The following MACF1 variants were observed in gnomAD, a reference collection of about 807,000 sequenced individuals.
MACF1 encodes microtubule actin crosslinking factor 1.
In MACF1, 193 loss-of-function variants were observed where a neutral mutation model predicts 854.8. That is an observed-to-expected ratio of 0.23 (90% CI 0.20 to 0.25). MACF1 has a LOEUF of 0.25. Ranked by LOEUF, MACF1 falls within the 10% of genes least tolerant of loss-of-function variation. MACF1 has a pLI of 1.00. For synonymous variants in MACF1, 3,185 were observed against 3,226.7 expected (o/e 0.99, Z 0.44); for missense variants, 7,722 against 8,929.1 (o/e 0.86, Z 5.45).
intron 2 of MACF1, among the ~76,000 whole-genome samples, chr1:39,088,581 T>A (rs577990634): frequency 1.3e-5 from 2 of 152,346 alleles, no homozygotes; most frequent in South Asian, 2.1e-4. Context: ...CCTCTTCCCC[T>A]CTGGCTCTCT....
At chr1:39,144,894 C>T (rs1643428937) in intron 2 of MACF1, among the ~76,000 whole-genome samples, 1 of 152,142 alleles carries the variant, frequency 6.6e-6, no homozygotes, top group African/African-American at 2.4e-5. Context: ...TCACAACCTC[C>T]TTTTTTCCAC....
At chr1:39,427,413 T>C in intron 61 of MACF1, 42 bp from the exon 62 acceptor site, 1 of 1,588,020 alleles carries the variant, frequency 6.3e-7, no homozygotes, top group South Asian at 1.1e-5. Context: ...AGTTTTAATG[T>C]GACTTTTCTT....
At chr1:39,437,522 G>T in intron 70 of MACF1, 1 of 407,448 alleles carries the variant, frequency 2.5e-6, no homozygotes. Flanking sequence ...ATGTTGGCCA[G>T]GCTGGTCTTG....
At position 39,349,364 on chromosome 1, in the gene MACF1, A is replaced by G. The variant is rs1489650671; in HGVS notation, c.10816-114A>G. 6.4e-6 allele frequency: 7 copies of G among 1,096,982 alleles called. No individual in the cohort carries two copies. In the East Asian group the frequency reaches 1.2e-4, roughly 19 times the overall value. The allele number at this position is 1,096,982 out of a possible 1,614,324, so 68.0% of individuals were successfully genotyped here. A position where few individuals can be genotyped will look rare whatever the true frequency, so the allele number is the denominator to read the frequency against. ...ATGTCTTTTCCTATTCTAGTCTCCC[A>G]CCAACTTTTCCATCCTTGAGATATA... On this transcript the variant is annotated intron_variant, in intron 41 of 100. Transcript: ENST00000564288.
At chr1:39,257,804 G>A in intron 5 of MACF1, 132 bp from the exon 6 acceptor site, 1 of 657,960 alleles carries the variant, frequency 1.5e-6, no homozygotes, top group Non-Finnish European at 2.6e-6. Context: ...ATCTATACAT[G>A]TGTTAAAACT....
At chr1:39,204,684 A>T, upstream of MACF1, 1 of 214,574 alleles carries the variant, frequency 4.7e-6, no homozygotes, top group South Asian at 9.1e-5. Context: ...TGAGCAGAGG[A>T]TGCCAAAGAT....
intron 1 of MACF1, among the ~76,000 whole-genome samples, chr1:39,205,645 G>A (rs1240098408): frequency 2.0e-5 from 3 of 152,104 alleles, no homozygotes; most frequent in African/African-American, 7.2e-5. Flanking sequence ...TCCTTGCCGA[G>A]GGGCATCCTG....
rs1646412588 is a variant in MACF1, at chr1:39,316,384, C to G, written c.3450-7C>G. ...GTTAATGAAGGAATGTGTATTTGTC[C>G]CCACAGGTTAAAGACAGTTGATGTT... is the stretch of plus-strand genomic sequence containing the variant. On this transcript the variant is annotated splice_polypyrimidine_tract_variant and splice_region_variant and intron_variant, in intron 27 of 100. Transcript: ENST00000564288. The G allele has an allele frequency of 6.3e-7, 1 of 1,598,936 alleles. No homozygotes were observed. The highest frequency in any genetic ancestry group is 8.5e-7 in the Non-Finnish European group (1 of 1,170,810).
In MACF1 at chr1:39,485,816, C is replaced by T. The variant is rs559832054; in HGVS notation, c.*22C>T. Reference sequence around the variant, plus strand: ...ATAACACTGTCTAAGCACCCCCAAGCCACTATCCACTTTGAATCCTGCTCC... The same window carrying T: ...ATAACACTGTCTAAGCACCCCCAAGTCACTATCCACTTTGAATCCTGCTCC... On this transcript the variant is annotated 3_prime_UTR_variant, in exon 101 of 101. Coordinates refer to ENST00000564288, the MANE Select transcript of MACF1 (RefSeq NM_001394062.1). 6.4e-7 allele frequency: 1 copy of T among 1,550,486 alleles called. No homozygotes were observed. Among genetic ancestry groups the T allele is most frequent in the East Asian group, 2.3e-5 (1 of 43,966 alleles).
chr1:39,467,020 T>C (rs1307053564), intron 95 of MACF1, among the ~76,000 whole-genome samples: 2 of 152,208 alleles, frequency 1.3e-5, no homozygotes, highest in Non-Finnish European at 2.9e-5. Flanking sequence ...ATATCCTTTC[T>C]TGCATTTTCA....
chr1:39,386,101 A>G (rs1469626153), intron 57 of MACF1, among the ~76,000 whole-genome samples, 172 bp downstream of exon 57: 1 of 152,218 alleles, frequency 6.6e-6, no homozygotes, highest in African/African-American at 2.4e-5. Context: ...TAGTTGTTAC[A>G]CAGTGAACAC....
chr1:39,350,048 A>G (rs1222404522), intron 42 of MACF1, among the ~76,000 whole-genome samples: 1 of 152,212 alleles, frequency 6.6e-6, no homozygotes, highest in African/African-American at 2.4e-5. Context: ...CAGAAATTAT[A>G]CAGGTTATTA....
chr1:39,118,928 A>G (rs1170893428), intron 2 of MACF1, among the ~76,000 whole-genome samples: 1 of 152,188 alleles, frequency 6.6e-6, no homozygotes, highest in African/African-American at 2.4e-5. Flanking sequence ...AAAGATGTAT[A>G]TCTTCAATAA....
rs867673239 is a variant in MACF1, at chr1:39,485,790, G to A, written c.22664G>A (p.Arg7555Gln). 1 of 1,592,336 alleles carries A rather than the reference G, an allele frequency of 6.3e-7. No individual in the cohort carries two copies. The highest frequency in any genetic ancestry group is 8.6e-7 in the Non-Finnish European group (1 of 1,166,542). Residue 7555 changes from arginine (R) to glutamine (Q), a missense_variant, in exon 101 of 101, where the codon CGA becomes CAA. Physicochemically the swap from Arg to Gln is conservative, Grantham distance 43. Around this residue, in one of 15 missense-constraint regions of MACF1, gnomAD observed 185 missense variants for 225.7 expected, o/e 0.82. Transcript: ENST00000564288. ...TCCCCCAGGACTCCAGGTCCCAAGC[G>A]ATAACACTGTCTAAGCACCCCCAAG... Reference protein sequence around the residue: ...TASPRTPGPKR With the variant: ...TASPRTPGPKQ
At chr1:39,444,074 G>A (rs1038702995) in intron 79 of MACF1, among the ~76,000 whole-genome samples, 3 of 152,170 alleles carry the variant, frequency 2.0e-5, no homozygotes, top group East Asian at 1.9e-4. Flanking sequence ...AGTGGCTCAC[G>A]CCTGTAATCC....
intron 2 of MACF1, among the ~76,000 whole-genome samples, chr1:39,236,392 A>G (rs536243193): frequency 6.6e-6 from 1 of 152,244 alleles, no homozygotes; most frequent in African/African-American, 2.4e-5. Context: ...TGCTTGGAAT[A>G]TCTTTCCCAA....
At chr1:39,453,669 A>C in intron 87 of MACF1, 38 bp from the exon 88 acceptor site, 1 of 1,600,968 alleles carries the variant, frequency 6.2e-7, no homozygotes, top group Non-Finnish European at 8.6e-7. Context: ...GCTAATGTAG[A>C]CTTTTTACGT....
intron 1 of MACF1, among the ~76,000 whole-genome samples, chr1:39,205,966 C>T (rs1644445555): frequency 6.6e-6 from 1 of 151,958 alleles, no homozygotes; most frequent in African/African-American, 2.4e-5. Flanking sequence ...GAGTGTATAC[C>T]CTTGGGTCTC....
At chr1:39,469,524 T>C (rs1183813113) in intron 96 of MACF1, 23 bp from the exon 97 acceptor site, 1 of 1,531,480 alleles carries the variant, frequency 6.5e-7, no homozygotes, top group Non-Finnish European at 8.9e-7. Flanking sequence ...TGTTTCTTTC[T>C]GTTTACGTAT....
Sources: allele counts gnomAD v4.1 joint callset (sites outside exome capture counted in the v4.1 genomes callset), GRCh38; gene constraint gnomAD v4.1.1; regional missense constraint gnomAD v4.1.1; transcripts MANE v1.5; gene names NCBI Gene and HGNC (gene_info 2026-07-23, HGNC 2026-07-21).